The following PCBP2 variants were observed in gnomAD, a reference collection of about 807,000 sequenced individuals.
PCBP2 encodes the protein poly(rC)-binding protein 2.
A neutral mutation model predicts 50.1 loss-of-function variants in PCBP2; 4 were observed. The observed-to-expected ratio is 0.08, with a 90% CI of 0.04 to 0.18. The LOEUF is 0.18. PCBP2 is among the 10% of genes least tolerant of loss of function. PCBP2 has a pLI of 1.00. For synonymous variants in PCBP2, 179 were observed against 168.0 expected (o/e 1.07, Z -0.51); for missense variants, 161 against 474.3 (o/e 0.34, Z 6.14).
chr12:53,460,651 C>T (rs1006817492), intron 6 of PCBP2: 4 of 232,238 alleles, frequency 1.7e-5, no homozygotes, highest in Non-Finnish European at 3.5e-5. Flanking sequence ...ATAGAATGGC[C>T]TTGATGTAAA....
chr12:53,455,838 C>T (rs1006308455), intron 4 of PCBP2, 47 bp from the exon 5 acceptor site: 8 of 1,261,682 alleles, frequency 6.3e-6, no homozygotes, highest in Non-Finnish European at 7.0e-6. Context: ...TGTACATACT[C>T]AGATCTTCTT....
chr12:53,466,948 GGGGGAT>G (rs1460317046), intron 10 of PCBP2, among the ~76,000 whole-genome samples: 1 of 152,140 alleles, frequency 6.6e-6, no homozygotes, highest in Non-Finnish European at 1.5e-5. Context: ...TAGCCTCCAA[GGGGGAT>G]GGTCGTTGGG....
chr12:53,473,905 A>G (rs754581110), intron 14 of PCBP2, among the ~76,000 whole-genome samples: 3 of 151,032 alleles, frequency 2.0e-5, no homozygotes, highest in South Asian at 2.1e-4. Flanking sequence ...CCTTTCCTTT[A>G]TGGATTGCAG....
intron 6 of PCBP2, chr12:53,460,523 T>G: frequency 4.8e-6 from 1 of 206,622 alleles, no homozygotes; most frequent in Non-Finnish European, 1.0e-5. Context: ...CTGAATTTGG[T>G]GTTGGAATGA....
In PCBP2 at chr12:53,480,688, G is replaced by T. The variant is rs1285237771; in HGVS notation, c.*1246G>T. On this transcript the variant is annotated 3_prime_UTR_variant, in exon 15 of 15. Transcript: ENST00000546463. ...AGGGCTTGGGCAGAGAAGATAAATG[G>T]TGGGACAAAAAAATGAGTTACATTG... is the stretch of plus-strand genomic sequence containing the variant. 6.6e-6 allele frequency: 1 copy of T among 152,492 alleles called. No individual in the cohort carries two copies. The highest frequency in any genetic ancestry group is 1.5e-5 in the Non-Finnish European group (1 of 68,034). 9.4% of individuals were successfully genotyped at this position (152,492 alleles called of 1,614,324 possible).
At chr12:53,455,524 T>G (rs1592633666) in intron 4 of PCBP2, 31 bp downstream of exon 4, 1 of 1,609,650 alleles carries the variant, frequency 6.2e-7, no homozygotes. Context: ...ATTGTTAACT[T>G]TGGGAAGTAA....
At chr12:53,473,880 G>A (rs1215946971) in intron 14 of PCBP2, among the ~76,000 whole-genome samples, 1 of 151,284 alleles carries the variant, frequency 6.6e-6, no homozygotes, top group East Asian at 1.9e-4. Context: ...TATATAGTTA[G>A]TTGACTTCTG....
chr12:53,481,114 T>C lies in PCBP2; in HGVS notation c.*1672T>C. The C allele has an allele frequency of 1.6e-6, 1 of 617,118 alleles. No homozygotes were observed. 38.2% of individuals were successfully genotyped at this position (617,118 alleles called of 1,614,324 possible). A position where few individuals can be genotyped will look rare whatever the true frequency, so the allele number is the denominator to read the frequency against. On this transcript the variant is annotated 3_prime_UTR_variant, in exon 15 of 15. Transcript: ENST00000546463. ...TTCTGTTGATTATGTGGCGCATATA[T>C]ATATATATATGTATATATATATAAT...
At chr12:53,467,122 C>T in intron 10 of PCBP2, 99 bp from the exon 11 acceptor site, 1 of 820,354 alleles carries the variant, frequency 1.2e-6, no homozygotes, top group South Asian at 1.5e-5. Flanking sequence ...GTAGTAGAGT[C>T]AATTTTGGGA....
At chr12:53,474,007 C>T (rs1942409682) in intron 14 of PCBP2, among the ~76,000 whole-genome samples, 1 of 152,186 alleles carries the variant, frequency 6.6e-6, no homozygotes, top group South Asian at 2.1e-4. Flanking sequence ...TGTCCAGGCA[C>T]ACTTCCCAAA....
At chr12:53,469,101 C>G (rs1942018179) in intron 13 of PCBP2, among the ~76,000 whole-genome samples, 1 of 151,658 alleles carries the variant, frequency 6.6e-6, no homozygotes, top group Non-Finnish European at 1.5e-5. Flanking sequence ...GGAGTTTCTC[C>G]ATGTTGGTCA....
intron 6 of PCBP2, chr12:53,459,876 TCAGCCTCCCAAGGAGCCGGGACTG>T (rs1161672384): frequency 4.4e-6 from 2 of 454,472 alleles, no homozygotes; most frequent in Non-Finnish European, 8.9e-6. Flanking sequence ...TCCTCTCATC[TCAGCCTCCCAAGGAGCCGGGACTG>T]CAGGCTCCCA....
intron 14 of PCBP2, among the ~76,000 whole-genome samples, chr12:53,473,484 G>A (rs1050745489): frequency 9.8e-5 from 15 of 152,318 alleles, no homozygotes; most frequent in African/African-American, 2.2e-4. Context: ...TTGTTCTTTC[G>A]ATAGGCTTGC....
intron 5 of PCBP2, among the ~76,000 whole-genome samples, chr12:53,457,396 G>A (rs539087740): frequency 1.3e-4 from 19 of 151,722 alleles, no homozygotes; most frequent in Non-Finnish European, 2.4e-4. Context: ...ACAGGGTCTT[G>A]CTCTGTTACC....
rs1943021263 is a variant in PCBP2, at chr12:53,481,125, GTATATATATATAATT to G, written c.*1690_*1704del. On this transcript the variant is annotated 3_prime_UTR_variant, in exon 15 of 15. Coordinates refer to ENST00000546463, the MANE Select transcript of PCBP2 (RefSeq NM_031989.5). The stretch of plus-strand genomic sequence containing the variant: ...ATGTGGCGCATATATATATATATAT[GTATATATATATAATT>G]TATATAAATATTTCTCTATGTACAA... 10 of 529,722 alleles carry G rather than the reference GTATATATATATAATT, an allele frequency of 1.9e-5. No individual in the cohort carries two copies. Among genetic ancestry groups the G allele is most frequent in the Non-Finnish European group, 2.7e-5 (10 of 373,120 alleles). 32.8% of individuals were successfully genotyped at this position (529,722 alleles called of 1,614,324 possible). A position where few individuals can be genotyped will look rare whatever the true frequency, so the allele number is the denominator to read the frequency against.
intron 5 of PCBP2, 103 bp downstream of exon 5, chr12:53,456,104 G>T (rs866427364): frequency 1.3e-6 from 1 of 747,822 alleles, no homozygotes. Context: ...TGGACCTTGA[G>T]ACTCGCTGTA....
intron 13 of PCBP2, among the ~76,000 whole-genome samples, chr12:53,470,167 C>T (rs185554117): frequency 7.9e-5 from 12 of 151,878 alleles, no homozygotes; most frequent in African/African-American, 2.9e-4. Context: ...AAGTGGGTCA[C>T]GAGGTCAGGA....
chr12:53,469,062 C>T (rs1019992047), intron 13 of PCBP2, among the ~76,000 whole-genome samples: 1 of 151,848 alleles, frequency 6.6e-6, no homozygotes, highest in Non-Finnish European at 1.5e-5. Context: ...GCCACCATGC[C>T]TGGCTAATTT....
At chr12:53,464,556 A>G in intron 8 of PCBP2, 1 of 591,092 alleles carries the variant, frequency 1.7e-6, no homozygotes, top group East Asian at 3.5e-5. Flanking sequence ...CTTATTGAAA[A>G]TAGCCCAATT....
Sources: allele counts gnomAD v4.1 joint callset (sites outside exome capture counted in the v4.1 genomes callset), GRCh38; gene constraint gnomAD v4.1.1; transcripts MANE v1.5; gene names NCBI Gene and HGNC (gene_info 2026-07-23, HGNC 2026-07-21).